Variants in ZP2 observed in about 807,000 individuals in gnomAD.
The protein encoded by ZP2 is zona pellucida glycoprotein 2, also known as zona pellucida sperm-binding protein 2.
ZP2 carries 51 observed loss-of-function variants against 84.0 expected under a neutral mutation model. The ratio of observed to expected loss-of-function variants is 0.61; its 90% CI spans 0.49 to 0.77. The LOEUF is 0.77. ZP2 is among the 30% of genes least tolerant of loss of function. ZP2 has a pLI of 0.00. For synonymous variants in ZP2, 375 were observed against 330.9 expected, an observed-to-expected ratio of 1.13 and a Z score of -1.45; for missense variants, 909 against 911.9, an observed-to-expected ratio of 1.00 and a Z score of 0.04.
intron 4 of ZP2, 135 bp from the exon 5 acceptor site, chr16:21,207,125 C>T (rs751850334): frequency 1.2e-4 from 122 of 1,008,310 alleles, no homozygotes; most frequent in Admixed American, 1.8e-4. Flanking sequence ...ACCTCATTCC[C>T]GTACCAGGAG....
chr16:21,206,558 G>A (rs2093250542), intron 5 of ZP2, among the ~76,000 whole-genome samples: 1 of 152,126 alleles, frequency 6.6e-6, no homozygotes, highest in Admixed American at 6.5e-5. Context: ...ATTAGTGTGA[G>A]TGCAACTACC....
At chr16:21,198,646 G>C (rs553346241) in intron 17 of ZP2, 133 bp downstream of exon 17, 1 of 694,872 alleles carries the variant, frequency 1.4e-6, no homozygotes, top group Middle Eastern at 3.5e-4. Flanking sequence ...CCTACTTCTG[G>C]GAAGAGACTT....
At position 21,204,313 on chromosome 16, in the gene ZP2, G is replaced by A. The variant is rs767661923; in HGVS notation, c.785C>T (p.Ala262Val). 35 of 1,613,950 alleles carry A rather than the reference G, an allele frequency of 2.2e-5. No individual in the cohort carries two copies. The highest frequency in any genetic ancestry group is 5.0e-5 in the Admixed American group (3 of 59,988). Residue 262 changes from alanine to valine, a missense_variant, in exon 8 of 19, where the codon GCA becomes GTA. By Grantham distance (64) the Ala-to-Val change is moderately conservative. Coordinates refer to ENST00000574091, the MANE Select transcript of ZP2 (RefSeq NM_001376232.1). ...GCAGCTATCTGGGACCTTACCTGGT[G>A]CACAAATAGCTTGTGAAGAGAAGAT... Reference protein sequence around the residue: ...KVIFSSQAICAPDPVTCNATH... With the variant: ...KVIFSSQAICVPDPVTCNATH...
At chr16:21,200,463 A>C (rs1253748494) in intron 14 of ZP2, among the ~76,000 whole-genome samples, 4 of 152,180 alleles carry the variant, frequency 2.6e-5, no homozygotes, top group Admixed American at 2.6e-4. Flanking sequence ...AGGCTTAGTA[A>C]CTGAGCTACC....
At chr16:21,212,533 A>G (rs1315287746), upstream of ZP2, among the ~76,000 whole-genome samples, 1 of 152,210 alleles carries the variant, frequency 6.6e-6, no homozygotes, top group African/African-American at 2.4e-5. Context: ...TCACTTTATA[A>G]CTATTAAACA....
chr16:21,199,757 C>T lies in ZP2; in HGVS notation c.1816G>A (p.Val606Met), dbSNP rs369511398. ...KAFAFVSEAH[V>M]LSSLVYFHCS... ...GAATCACTTACCAGGCTAGAGAGCACGTGGGCTTCTGATACAAAGGCAAAA... is the reference window on the plus strand; with the variant it reads ...GAATCACTTACCAGGCTAGAGAGCATGTGGGCTTCTGATACAAAGGCAAAA... The change falls in exon 15 of 19, where the codon GTG (valine) becomes ATG (methionine). Residue 606 changes from valine (V) to methionine (M), a missense_variant. Transcript: ENST00000574091. 1.0e-4 allele frequency: 161 copies of T among 1,614,060 alleles called. No individual in the cohort carries two copies. The highest frequency in any genetic ancestry group is 1.1e-4 in the East Asian group (5 of 44,884).
intron 13 of ZP2, 66 bp downstream of exon 13, chr16:21,201,640 C>G: frequency 6.2e-7 from 1 of 1,611,768 alleles, no homozygotes; most frequent in Non-Finnish European, 8.5e-7. Context: ...CTGGCAGTAT[C>G]AGGATGTTCA....
At chr16:21,211,829 A>T (rs557891278), upstream of ZP2, 40 of 1,363,298 alleles carry the variant, frequency 2.9e-5, no homozygotes, top group African/African-American at 1.8e-4. Context: ...CTATGGGGGA[A>T]ATTAGGATCT....
In ZP2 at chr16:21,197,546, T is replaced by C. The variant is rs1384682534; in HGVS notation, c.2172A>G (p.Ala724=). The C allele has an allele frequency of 2.5e-6, 4 of 1,614,172 alleles. No individual in the cohort carries two copies. Among genetic ancestry groups the C allele is most frequent in the African/African-American group, 1.3e-5 (1 of 75,052 alleles). The change falls in exon 19 of 19, where the codon GCA becomes GCG. Residue 724 remains alanine (A), a synonymous_variant. Transcript: ENST00000574091. The part of the protein sequence containing the change: ...SKAVAAVAAF[A]GVVATLGFIY... ...TGAAGCCTAGAGTTGCCACCACACCTGCAAAGGCAGCCACAGCAGCCACAG... is the reference window on the plus strand; with the variant it reads ...TGAAGCCTAGAGTTGCCACCACACCCGCAAAGGCAGCCACAGCAGCCACAG...
In ZP2 at chr16:21,206,851, T is replaced by C; in HGVS notation, c.470A>G (p.Lys157Arg). The stretch of plus-strand genomic sequence containing the variant: ...CGTTTCACTCACAGACATGAAATCC[T>C]TCTGGCAGATTGTAGATGCTGAAAG... ...QGLSASTICQ[K>R]DFMSFSLPRV... Residue 157 changes from lysine (K) to arginine (R), a missense_variant, in exon 5 of 19, where the codon AAG becomes AGG. Transcript: ENST00000574091. 1 of 1,614,132 alleles carries C rather than the reference T, an allele frequency of 6.2e-7. No homozygotes were observed. Among genetic ancestry groups the C allele is most frequent in the Non-Finnish European group, 8.5e-7 (1 of 1,179,992 alleles).
upstream of ZP2, among the ~76,000 whole-genome samples, chr16:21,213,698 T>C (rs964925338): frequency 1.3e-5 from 2 of 152,118 alleles, no homozygotes; most frequent in Non-Finnish European, 2.9e-5. Context: ...CTTACGGGAA[T>C]TGAGTAGATT....
At chr16:21,203,873 C>T in intron 9 of ZP2, 157 bp downstream of exon 9, 1 of 712,592 alleles carries the variant, frequency 1.4e-6, no homozygotes, top group Admixed American at 2.5e-5. Context: ...TGATATTTCA[C>T]TTATACAAGA....
In ZP2 at chr16:21,201,299, G is replaced by A. The variant is rs189869921; in HGVS notation, c.1694+70C>T. 2,974 of 1,386,268 alleles carry A rather than the reference G, an allele frequency of 2.1e-3. 76 individuals carry two copies. The Admixed American group carries it at 0.059, about 28-fold the overall frequency. The allele number at this position is 1,386,268 out of a possible 1,614,324, so 85.9% of individuals were successfully genotyped here. On this transcript the variant is annotated intron_variant, in intron 14 of 18. Coordinates refer to ENST00000574091, the MANE Select transcript of ZP2 (RefSeq NM_001376232.1). ...CTGAATGCTGCTCTAAAGCCCAAGAGGGTTTATTCCCATTACTGGCAAGTT... is the reference window on the plus strand; with the variant it reads ...CTGAATGCTGCTCTAAAGCCCAAGAAGGTTTATTCCCATTACTGGCAAGTT...
At chr16:21,209,562 C>G (rs2093265036) in intron 4 of ZP2, 69 bp downstream of exon 4, 3 of 1,466,592 alleles carry the variant, frequency 2.0e-6, no homozygotes, top group African/African-American at 2.8e-5. Context: ...AGTTCTTAGC[C>G]AAGTTTACTG....
chr16:21,198,747 T>G, intron 17 of ZP2, 32 bp downstream of exon 17: 1 of 1,599,298 alleles, frequency 6.3e-7, no homozygotes, highest in Non-Finnish European at 8.6e-7. Flanking sequence ...AGAACTTGAA[T>G]CCAGGAAGTA....
chr16:21,202,216 T>G lies in ZP2; in HGVS notation c.1175A>C (p.Asp392Ala). 6.3e-7 allele frequency: 1 copy of G among 1,581,502 alleles called. No individual in the cohort carries two copies. Among genetic ancestry groups the G allele is most frequent in the Non-Finnish European group, 8.5e-7 (1 of 1,171,000 alleles). Residue 392 changes from aspartate (D) to alanine (A), a missense_variant, in exon 11 of 19, where the codon GAC becomes GCC. Coordinates refer to ENST00000574091, the MANE Select transcript of ZP2 (RefSeq NM_001376232.1). ...GTTTCCCACCCTCAGAGTACCCAGG[T>G]CAAGAGCTGGTTGTGTTTGGTAGCT... The part of the protein sequence containing the change: ...VYSYQTQPAL[D>A]LGTLRVGNSS...
chr16:21,214,263 G>T, upstream of ZP2: 1 of 985,048 alleles, frequency 1.0e-6, no homozygotes, highest in Non-Finnish European at 1.2e-6. Context: ...GACAGCCACC[G>T]AACAAATGGC....
intron 17 of ZP2, 139 bp from the exon 18 acceptor site, chr16:21,197,988 C>T: frequency 2.7e-6 from 2 of 735,940 alleles, no homozygotes; most frequent in East Asian, 2.5e-5. Flanking sequence ...CAAACTAATA[C>T]ACACTTAAGT....
At chr16:21,208,681 G>C (rs1032767155) in intron 4 of ZP2, among the ~76,000 whole-genome samples, 1 of 152,164 alleles carries the variant, frequency 6.6e-6, no homozygotes, top group African/African-American at 2.4e-5. Flanking sequence ...CTTAGCTGCT[G>C]TTTGCCTTTT....
Sources: allele counts gnomAD v4.1 joint callset (sites outside exome capture counted in the v4.1 genomes callset), GRCh38; gene constraint gnomAD v4.1.1; transcripts MANE v1.5; gene names NCBI Gene and HGNC (gene_info 2026-07-23, HGNC 2026-07-21).